DOCK1: variants seen among roughly 807,000 people sequenced by gnomAD.
The protein encoded by DOCK1 is dedicator of cytokinesis protein 1.
A neutral mutation model predicts 262.7 loss-of-function variants in DOCK1; 138 were observed. The ratio of observed to expected loss-of-function variants is 0.53; its 90% confidence interval spans 0.46 to 0.61. The LOEUF is 0.61. DOCK1 is among the 20% of genes least tolerant of loss of function. The pLI is 0.00. For synonymous variants in DOCK1, 866 were observed against 867.4 expected (o/e 1.00, Z 0.03); for missense variants, 1,908 against 2,370.7 (o/e 0.80, Z 4.05).
intron 29 of DOCK1, chr10:127,257,788 A>G (rs373790934): frequency 1.7e-5 from 3 of 171,772 alleles, no homozygotes; most frequent in Non-Finnish European, 3.7e-5. Flanking sequence ...GCTCCATGCA[A>G]GAGGCTTTTG....
At chr10:127,193,162 G>A (rs1286018694) in intron 27 of DOCK1, among the ~76,000 whole-genome samples, 2 of 152,168 alleles carry the variant, frequency 1.3e-5, no homozygotes, top group Non-Finnish European at 2.9e-5. Context: ...ATTTCTGGTT[G>A]GGGAATGTAG....
intron 40 of DOCK1, among the ~76,000 whole-genome samples, chr10:127,408,372 A>G (rs2067642564): frequency 6.6e-6 from 1 of 152,168 alleles, no homozygotes; most frequent in Non-Finnish European, 1.5e-5. Context: ...AATGACCTGC[A>G]CACACATTCT....
chr10:127,229,718 T>C (rs967558973), intron 27 of DOCK1, among the ~76,000 whole-genome samples: 1 of 152,228 alleles, frequency 6.6e-6, no homozygotes, highest in Non-Finnish European at 1.5e-5. Flanking sequence ...CTTCAACATA[T>C]TGATTTCATT....
chr10:126,974,605 C>A (rs2038373867), intron 2 of DOCK1, among the ~76,000 whole-genome samples: 1 of 152,106 alleles, frequency 6.6e-6, no homozygotes, highest in South Asian at 2.1e-4. Context: ...TTTGCTGTGC[C>A]CCAGAGCAGC....
intron 1 of DOCK1, among the ~76,000 whole-genome samples, chr10:126,968,591 C>T (rs2037853499): frequency 6.6e-6 from 1 of 152,140 alleles, no homozygotes; most frequent in South Asian, 2.1e-4. Context: ...TACAAATTCA[C>T]AGGTGCTTGA....
At chr10:127,092,380 G>T (rs1320736259) in intron 23 of DOCK1, among the ~76,000 whole-genome samples, 1 of 152,142 alleles carries the variant, frequency 6.6e-6, no homozygotes, top group Non-Finnish European at 1.5e-5. Context: ...TGCCCACCAC[G>T]GGCCTGGCAC....
intron 23 of DOCK1, among the ~76,000 whole-genome samples, chr10:127,067,425 A>G (rs778593437): frequency 3.3e-5 from 5 of 152,192 alleles, no homozygotes; most frequent in African/African-American, 1.2e-4. Flanking sequence ...TGAGAATGCC[A>G]GAATTTTCTA....
intron 30 of DOCK1, 51 bp from the exon 31 acceptor site, chr10:127,343,595 C>A (rs2063516424): frequency 2.2e-6 from 3 of 1,370,780 alleles, no homozygotes; most frequent in Admixed American, 4.0e-5. Flanking sequence ...TTGTTGAGAT[C>A]CTATATCAAG....
intron 27 of DOCK1, among the ~76,000 whole-genome samples, chr10:127,153,663 C>T (rs113209758): frequency 0.018 from 2,779 of 152,288 alleles, 95 homozygotes; most frequent in African/African-American, 0.064. Flanking sequence ...TTCAAGCTCT[C>T]CTACATCCCA....
intron 38 of DOCK1, among the ~76,000 whole-genome samples, chr10:127,390,582 A>G (rs776659471): frequency 8.5e-5 from 13 of 152,160 alleles, no homozygotes; most frequent in Admixed American, 2.0e-4. Flanking sequence ...TATTGAGGAT[A>G]CAGCAAGAAG....
At position 127,143,055 on chromosome 10, in the gene DOCK1, T is replaced by C. The variant is rs10829480; in HGVS notation, c.2847+15291T>C. 6.6e-3 allele frequency among the ~76,000 whole-genome samples: 1,002 copies of C among 152,326 alleles called. 4 individuals are homozygous for C. The highest frequency in any genetic ancestry group is 0.012 in the Admixed American group (177 of 15,306). On this transcript the variant is annotated intron_variant, in intron 27 of 51. Coordinates refer to ENST00000623213, the MANE Select transcript of DOCK1 (RefSeq NM_001290223.2). ...CCGCATGTGATTTTGCAGAGCGGCA[T>C]CCTTCTTGCTTCTCCAGCTTATTCT... is the stretch of plus-strand genomic sequence containing the variant.
At chr10:127,059,594 T>A (rs186990351) in intron 22 of DOCK1, among the ~76,000 whole-genome samples, 6 of 152,348 alleles carry the variant, frequency 3.9e-5, no homozygotes, top group Admixed American at 3.9e-4. Context: ...ATCTAATAAA[T>A]TTTTAATTTT....
intron 1 of DOCK1, among the ~76,000 whole-genome samples, chr10:126,916,329 T>G (rs1340216539): frequency 6.6e-6 from 1 of 152,250 alleles, no homozygotes; most frequent in Non-Finnish European, 1.5e-5. Context: ...AGAGAAAATA[T>G]ATGATTTCTG....
At chr10:127,163,087 GT>G (rs1225134835) in intron 27 of DOCK1, among the ~76,000 whole-genome samples, 5 of 152,194 alleles carry the variant, frequency 3.3e-5, no homozygotes, top group African/African-American at 1.2e-4. Context: ...CCAGCACCTT[GT>G]TTGTGGCTCT....
chr10:127,166,155 TC>T lies in DOCK1; in HGVS notation c.2847+38394del, dbSNP rs767267666. 7.9e-5 allele frequency among the ~76,000 whole-genome samples: 12 copies of T among 152,292 alleles called. No homozygotes were observed. In the East Asian group the frequency reaches 1.5e-3, roughly 20 times the overall value. ...ATCTCGGCTCACTGCAAGCTCTGCC[TC>T]CCGGGCTCACTCCATTCTCCTGCCT... On this transcript the variant is annotated intron_variant, in intron 27 of 51. Transcript: ENST00000623213.
intron 38 of DOCK1, among the ~76,000 whole-genome samples, chr10:127,394,164 G>A (rs1287431407): frequency 6.6e-6 from 1 of 152,158 alleles, no homozygotes. Context: ...GAGTGAGACA[G>A]TCAGTATTAG....
chr10:127,407,019 CT>C (rs962967609), intron 40 of DOCK1, among the ~76,000 whole-genome samples: 11 of 146,016 alleles, frequency 7.5e-5, no homozygotes, highest in South Asian at 2.2e-4. Context: ...TTCTGCTTGA[CT>C]TTTTTTTTTC....
At chr10:127,328,849 C>A (rs1380578419) in intron 29 of DOCK1, among the ~76,000 whole-genome samples, 1 of 151,914 alleles carries the variant, frequency 6.6e-6, no homozygotes, top group Non-Finnish European at 1.5e-5. Context: ...CAGATATGAA[C>A]AGAAAAATTA....
At chr10:127,428,124 G>A (rs2068941320) in intron 47 of DOCK1, among the ~76,000 whole-genome samples, 3 of 152,262 alleles carry the variant, frequency 2.0e-5, no homozygotes, top group Non-Finnish European at 4.4e-5. Context: ...GCGTTTCGGA[G>A]TGCGTCACAT....
Sources: allele counts gnomAD v4.1 joint callset (sites outside exome capture counted in the v4.1 genomes callset), GRCh38; gene constraint gnomAD v4.1.1; transcripts MANE v1.5; gene names NCBI Gene and HGNC (gene_info 2026-07-23, HGNC 2026-07-21).